Variants in RGS9 observed in about 807,000 individuals in gnomAD.
The protein encoded by RGS9 is regulator of G-protein signalling 9.
In RGS9, 78 loss-of-function variants were observed where a neutral mutation model predicts 102.0. The ratio of observed to expected loss-of-function variants is 0.76; its 90% CI spans 0.64 to 0.92. The LOEUF (loss-of-function observed/expected upper bound fraction) is 0.92. Among genes scored for constraint, RGS9 ranks in the 40% least tolerant of loss-of-function variants. The pLI is 0.00. For synonymous variants in RGS9, 353 were observed against 318.6 expected, an observed-to-expected ratio of 1.11 and a Z score of -1.15; for missense variants, 833 against 866.1, an observed-to-expected ratio of 0.96 and a Z score of 0.48.
At chr17:65,181,107 A>ATAGGCATGCATGTG (rs1911868941) in intron 9 of RGS9, among the ~76,000 whole-genome samples, 1 of 152,244 alleles carries the variant, frequency 6.6e-6, no homozygotes, top group Admixed American at 6.5e-5. Flanking sequence ...TGCAGTGAAC[A>ATAGGCATGCATGTG]TAGGCATGCA....
chr17:65,218,911 T>C (rs574870078), intron 17 of RGS9, among the ~76,000 whole-genome samples: 1 of 152,256 alleles, frequency 6.6e-6, no homozygotes, highest in Non-Finnish European at 1.5e-5. Context: ...CGGCATTTGC[T>C]GTTCAACAGG....
At chr17:65,176,629 A>G (rs991359267) in intron 8 of RGS9, among the ~76,000 whole-genome samples, 3 of 152,178 alleles carry the variant, frequency 2.0e-5, no homozygotes, top group Non-Finnish European at 2.9e-5. Context: ...AAGCCCATGT[A>G]TTAGTCTCAG....
chr17:65,163,106 C>T lies in RGS9; in HGVS notation c.500+17C>T, dbSNP rs761138791. The T allele has an allele frequency of 3.6e-6, 5 of 1,376,192 alleles. No individual in the cohort carries two copies. Among genetic ancestry groups the T allele is most frequent in the Non-Finnish European group, 5.2e-6 (5 of 968,520 alleles). 85.2% of individuals were successfully genotyped at this position (1,376,192 alleles called of 1,614,324 possible). On this transcript the variant is annotated intron_variant, in intron 7 of 18. Transcript: ENST00000262406. ...GCAGTACAGGTGAGTGAAAGGAGACCATGCTTGTCCTCTCGGTGTCTTTCC... is the reference window on the plus strand; with the variant it reads ...GCAGTACAGGTGAGTGAAAGGAGACTATGCTTGTCCTCTCGGTGTCTTTCC...
At chr17:65,158,675 C>T in intron 3 of RGS9, 1 of 434,112 alleles carries the variant, frequency 2.3e-6, no homozygotes, top group Admixed American at 3.5e-5. Context: ...GAGGGTCTTC[C>T]TATAAGGGGA....
chr17:65,224,642 G>T (rs1905534568), intron 17 of RGS9, among the ~76,000 whole-genome samples: 1 of 152,168 alleles, frequency 6.6e-6, no homozygotes, highest in African/African-American at 2.4e-5. Flanking sequence ...GCTGTGGCAG[G>T]TACTATGCAT....
At chr17:65,138,960 C>A (rs1020949918) in intron 1 of RGS9, among the ~76,000 whole-genome samples, 13 of 83,266 alleles carry the variant, frequency 1.6e-4, no homozygotes, top group African/African-American at 6.7e-4. Context: ...CCTCCCCAGC[C>A]ACCCCTCCTC....
At chr17:65,209,020 G>A (rs533690080) in intron 16 of RGS9, among the ~76,000 whole-genome samples, 1 of 152,340 alleles carries the variant, frequency 6.6e-6, no homozygotes, top group Admixed American at 6.5e-5. Context: ...CCAGAAGAAA[G>A]GCCTGTAATA....
chr17:65,195,085 G>C (rs1184036012), intron 12 of RGS9, among the ~76,000 whole-genome samples: 1 of 152,210 alleles, frequency 6.6e-6, no homozygotes, highest in African/African-American at 2.4e-5. Context: ...GGCTCTGGCT[G>C]TTGGGGTGCT....
Position 65,202,051 on chromosome 17 carries a change from A to G in RGS9, c.1035A>G (p.Lys345=). 1 of 1,613,670 alleles carries G rather than the reference A, an allele frequency of 6.2e-7. No homozygotes were observed. The highest frequency in any genetic ancestry group is 8.5e-7 in the Non-Finnish European group (1 of 1,179,666). Residue 345 remains lysine (K), a synonymous_variant, in exon 14 of 19, where the codon AAA becomes AAG. Transcript: ENST00000262406. ...ATCTGAAGTATGGAGATCAGTCCAA[A>G]GTCAAGGAGAAAGCAGAGGAGATTT... The part of the protein sequence containing the change: ...CEDLKYGDQS[K]VKEKAEEIYK...
chr17:65,208,393 G>C (rs1913152288), intron 16 of RGS9, among the ~76,000 whole-genome samples: 1 of 152,198 alleles, frequency 6.6e-6, no homozygotes, highest in Non-Finnish European at 1.5e-5. Flanking sequence ...AGACCTTAGA[G>C]AGAATAGCAG....
intron 9 of RGS9, among the ~76,000 whole-genome samples, chr17:65,183,884 A>G (rs1007911980): frequency 9.2e-5 from 14 of 152,224 alleles, no homozygotes; most frequent in African/African-American, 3.1e-4. Flanking sequence ...GGGGTTTGCC[A>G]GTCAGCCGGC....
At chr17:65,217,239 T>C (rs1474893304) in intron 17 of RGS9, among the ~76,000 whole-genome samples, 10 of 152,210 alleles carry the variant, frequency 6.6e-5, no homozygotes, top group Admixed American at 6.5e-4. Flanking sequence ...CCAATAGACA[T>C]GGGCTCTGCT....
chr17:65,189,279 C>T lies in RGS9; in HGVS notation c.655-7C>T. 6.2e-7 allele frequency: 1 copy of T among 1,609,862 alleles called. No homozygotes were observed. The highest frequency in any genetic ancestry group is 8.5e-7 in the Non-Finnish European group (1 of 1,176,390). ...CTGCCTAACGGTTTTGTTTCTTTGTCTTACAGAAACAAACAGTCGTTGCTG... is the reference window on the plus strand; with the variant it reads ...CTGCCTAACGGTTTTGTTTCTTTGTTTTACAGAAACAAACAGTCGTTGCTG... On this transcript the variant is annotated splice_polypyrimidine_tract_variant and splice_region_variant and intron_variant, in intron 9 of 18. Transcript: ENST00000262406.
intron 1 of RGS9, among the ~76,000 whole-genome samples, chr17:65,142,605 C>A (rs1415870996): frequency 4.9e-5 from 7 of 142,854 alleles, no homozygotes; most frequent in African/African-American, 1.6e-4. Flanking sequence ...GTTTTTGAGA[C>A]AGAGCCTGTC....
At chr17:65,175,265 G>C (rs1307917828) in intron 8 of RGS9, among the ~76,000 whole-genome samples, 3 of 151,974 alleles carry the variant, frequency 2.0e-5, no homozygotes, top group Non-Finnish European at 4.4e-5. Context: ...ATGTATGAGA[G>C]TGTGTGGGTG....
chr17:65,165,700 A>G (rs535522233), intron 7 of RGS9, among the ~76,000 whole-genome samples: 4 of 152,178 alleles, frequency 2.6e-5, no homozygotes, highest in Non-Finnish European at 4.4e-5. Context: ...CCATGGCAAC[A>G]TCCTCCCAAC....
At chr17:65,221,878 A>G (rs532970080) in intron 17 of RGS9, among the ~76,000 whole-genome samples, 3 of 152,322 alleles carry the variant, frequency 2.0e-5, no homozygotes, top group African/African-American at 7.2e-5. Context: ...CTCTGCCCTC[A>G]TGACTAATCA....
At chr17:65,159,548 T>TG (rs1020970495) in intron 3 of RGS9, among the ~76,000 whole-genome samples, 32 of 152,122 alleles carry the variant, frequency 2.1e-4, no homozygotes, top group African/African-American at 7.5e-4. Context: ...GGAGATGGGT[T>TG]GGGTCCTTGG....
chr17:65,214,069 C>T (rs982172287), intron 17 of RGS9, among the ~76,000 whole-genome samples: 14 of 152,154 alleles, frequency 9.2e-5, no homozygotes, highest in African/African-American at 2.7e-4. Flanking sequence ...TCTAGCAATT[C>T]GCTCATCTCA....
Sources: allele counts gnomAD v4.1 joint callset (sites outside exome capture counted in the v4.1 genomes callset), GRCh38; gene constraint gnomAD v4.1.1; transcripts MANE v1.5; gene names NCBI Gene and HGNC (gene_info 2026-07-23, HGNC 2026-07-21).